LCP2: variants seen among roughly 807,000 people sequenced by gnomAD.
The protein encoded by LCP2 is 76 kDa tyrosine phosphoprotein.
A neutral mutation model predicts 74.5 loss-of-function variants in LCP2; 29 were observed. The ratio of observed to expected loss-of-function variants is 0.39; its 90% confidence interval spans 0.29 to 0.53. LCP2 has a LOEUF of 0.53. LCP2 is among the 20% of genes least tolerant of loss of function. The probability of loss-of-function intolerance (pLI) is 0.72; values close to 1 mark genes in which losing one functional copy is unlikely to be tolerated. For synonymous variants in LCP2, 228 were observed against 229.5 expected (o/e 0.99, Z 0.06); for missense variants, 604 against 634.6 (o/e 0.95, Z 0.52).
chr5:170,269,779 C>G (rs537302449), intron 7 of LCP2, among the ~76,000 whole-genome samples: 4 of 152,316 alleles, frequency 2.6e-5, no homozygotes, highest in Admixed American at 1.3e-4. Flanking sequence ...CTTATTCACT[C>G]TGTATCTTAA....
Position 170,261,407 on chromosome 5 carries a change from G to GTGTATA in LCP2, c.927-271_927-270insTATACA, listed in dbSNP as rs150577805. ...AATAATTATGTGTGTGTGTGTGTGT[G>GTGTATA]TATATATATATATATACACACTCTA... On this transcript the variant is annotated intron_variant, in intron 13 of 20. Coordinates refer to ENST00000046794, the MANE Select transcript of LCP2 (RefSeq NM_005565.5). Among the ~76,000 whole-genome samples the GTGTATA allele has an allele frequency of 7.2e-3, 1,049 of 146,268 alleles. 13 individuals carry two copies. Among genetic ancestry groups the GTGTATA allele is most frequent in the African/African-American group, 0.025 (986 of 39,650 alleles).
intron 17 of LCP2, among the ~76,000 whole-genome samples, chr5:170,254,448 C>T (rs926571262): frequency 3.3e-5 from 5 of 152,126 alleles, no homozygotes; most frequent in Admixed American, 3.3e-4. Flanking sequence ...TTATGATGGT[C>T]CTTCCCTGTT....
At chr5:170,264,681 C>T (rs1399932126) in intron 10 of LCP2, among the ~76,000 whole-genome samples, 1 of 152,158 alleles carries the variant, frequency 6.6e-6, no homozygotes, top group Non-Finnish European at 1.5e-5. Context: ...CACCTGTAAC[C>T]TCAGCCCCTT....
At chr5:170,293,860 A>G (rs1307150869) in intron 1 of LCP2, among the ~76,000 whole-genome samples, 1 of 152,196 alleles carries the variant, frequency 6.6e-6, no homozygotes, top group Non-Finnish European at 1.5e-5. Flanking sequence ...GTGTTATGCA[A>G]ACTCAATTTA....
At chr5:170,254,137 T>G in intron 17 of LCP2, among the ~76,000 whole-genome samples, 1 of 152,168 alleles carries the variant, frequency 6.6e-6, no homozygotes, top group East Asian at 1.9e-4. Flanking sequence ...CACAGCAACA[T>G]TACAAGGTAG....
At position 170,253,103 on chromosome 5, in the gene LCP2, A is replaced by G; in HGVS notation, c.1245+16T>C. 5 of 1,560,726 alleles carry G rather than the reference A, an allele frequency of 3.2e-6. No individual in the cohort carries two copies. Among genetic ancestry groups the G allele is most frequent in the Non-Finnish European group, 4.4e-6 (5 of 1,138,810 alleles). ...GGAAAAGGCAAACAAACAAAAATAA[A>G]AACATGCTCTCTTACCTCTTCCTCC... On this transcript the variant is annotated intron_variant, in intron 18 of 20. Transcript: ENST00000046794.
At chr5:170,270,987 T>G in intron 6 of LCP2, 70 bp from the exon 7 acceptor site, 1 of 1,343,194 alleles carries the variant, frequency 7.4e-7, no homozygotes, top group Non-Finnish European at 1.0e-6. Flanking sequence ...CTGTGCCTAC[T>G]CTCTCCCTGC....
chr5:170,259,743 C>T (rs992514356), intron 14 of LCP2, among the ~76,000 whole-genome samples: 1 of 152,158 alleles, frequency 6.6e-6, no homozygotes, highest in Admixed American at 6.5e-5. Context: ...GCGAAAAAGG[C>T]CACAGTCAAA....
In LCP2 at chr5:170,297,572, C is replaced by T. The variant is rs556316802; in HGVS notation, c.40G>A (p.Gly14Ser). The part of the protein sequence containing the change: ...RNVPFRSEVL[G>S]WDPDSLADYF... ...TCAGCAAGGCTGTCGGGGTCCCAGC[C>T]CAGGACCTCTGAGCGAAAGGGCACA... is the stretch of plus-strand genomic sequence containing the variant. The change falls in exon 1 of 21, where the codon GGC (glycine) becomes AGC (serine). Residue 14 changes from glycine (G) to serine (S), a missense_variant. Coordinates refer to ENST00000046794, the MANE Select transcript of LCP2 (RefSeq NM_005565.5). 2.4e-5 allele frequency: 39 copies of T among 1,613,112 alleles called. 1 individual carries two copies. In the South Asian group the frequency reaches 4.1e-4, roughly 17 times the overall value.
At position 170,297,579 on chromosome 5, in the gene LCP2, C is replaced by T; in HGVS notation, c.33G>A (p.Glu11=). ...GGCTGTCGGGGTCCCAGCCCAGGACCTCTGAGCGAAAGGGCACATTCCTCA... is the reference window on the plus strand; with the variant it reads ...GGCTGTCGGGGTCCCAGCCCAGGACTTCTGAGCGAAAGGGCACATTCCTCA... The part of the protein sequence containing the change: MALRNVPFRS[E]VLGWDPDSLA... Residue 11 remains glutamate, a synonymous_variant, in exon 1 of 21, where the codon GAG becomes GAA. Transcript: ENST00000046794. 1 of 1,613,000 alleles carries T rather than the reference C, an allele frequency of 6.2e-7. No homozygotes were observed. The highest frequency in any genetic ancestry group is 8.5e-7 in the Non-Finnish European group (1 of 1,179,512).
At chr5:170,287,179 C>T (rs755868328) in intron 3 of LCP2, among the ~76,000 whole-genome samples, 9 of 152,140 alleles carry the variant, frequency 5.9e-5, no homozygotes, top group African/African-American at 9.7e-5. Context: ...TGAGGCTTTG[C>T]GATGGCTACT....
intron 7 of LCP2, among the ~76,000 whole-genome samples, chr5:170,270,328 A>G (rs1761874410): frequency 6.6e-6 from 1 of 152,284 alleles, no homozygotes; most frequent in East Asian, 1.9e-4. Context: ...CCATGTAACT[A>G]TAATTTGGTC....
intron 8 of LCP2, 144 bp from the exon 9 acceptor site, chr5:170,267,219 C>T (rs1761781682): frequency 5.2e-6 from 4 of 775,830 alleles, no homozygotes; most frequent in South Asian, 4.9e-5. Context: ...ACTGAACTAC[C>T]GCAGTAGCCT....
chr5:170,291,441 ATTC>A (rs1421130267), intron 2 of LCP2, among the ~76,000 whole-genome samples: 1 of 152,090 alleles, frequency 6.6e-6, no homozygotes, highest in Non-Finnish European at 1.5e-5. Flanking sequence ...CAGGCACTGG[ATTC>A]TTCTTCTTTT....
chr5:170,297,510 C>T (rs1249373721), intron 1 of LCP2, 24 bp downstream of exon 1: 2 of 1,603,162 alleles, frequency 1.2e-6, no homozygotes, highest in South Asian at 1.1e-5. Flanking sequence ...GCATCATGAC[C>T]ATTCACACAA....
At chr5:170,255,979 A>G (rs1761542510) in intron 17 of LCP2, among the ~76,000 whole-genome samples, 1 of 152,206 alleles carries the variant, frequency 6.6e-6, no homozygotes, top group Non-Finnish European at 1.5e-5. Context: ...CTTAGTTTGT[A>G]TTTTGAACAT....
intron 8 of LCP2, chr5:170,267,470 C>A: frequency 4.0e-6 from 1 of 248,200 alleles, no homozygotes; most frequent in Non-Finnish European, 8.0e-6. Context: ...CCTGGAAAAT[C>A]TCAAGGTTAT....
intron 3 of LCP2, among the ~76,000 whole-genome samples, chr5:170,285,736 C>A (rs1762172925): frequency 6.6e-6 from 1 of 152,192 alleles, no homozygotes; most frequent in Non-Finnish European, 1.5e-5. Context: ...TTGGGTAGTT[C>A]TTTTGCCACC....
chr5:170,273,157 G>A (rs1398512070), intron 6 of LCP2, among the ~76,000 whole-genome samples: 1 of 151,944 alleles, frequency 6.6e-6, no homozygotes, highest in Non-Finnish European at 1.5e-5. Flanking sequence ...GTATGCCCTT[G>A]CAAAGAGCTG....
Sources: allele counts gnomAD v4.1 joint callset (sites outside exome capture counted in the v4.1 genomes callset), GRCh38; gene constraint gnomAD v4.1.1; transcripts MANE v1.5; gene names NCBI Gene and HGNC (gene_info 2026-07-23, HGNC 2026-07-21).